Variants in CREBBP observed in about 807,000 individuals in gnomAD.
The protein encoded by CREBBP is CREB-binding protein.
CREBBP carries 19 observed loss-of-function variants against 265.0 expected under a neutral mutation model. That is an observed-to-expected ratio of 0.07 (90% CI 0.05 to 0.11). The LOEUF (loss-of-function observed/expected upper bound fraction) is 0.11. Among genes scored for constraint, CREBBP ranks in the 10% least tolerant of loss-of-function variants. CREBBP has a pLI of 1.00. For synonymous variants in CREBBP, 1,457 were observed against 1,223.7 expected (o/e 1.19, Z -3.98); for missense variants, 2,525 against 3,219.0 (o/e 0.78, Z 5.22).
At chr16:3,771,802 CTTT>C (rs34195127) in intron 13 of CREBBP, among the ~76,000 whole-genome samples, 6 of 131,922 alleles carry the variant, frequency 4.5e-5, no homozygotes, top group African/African-American at 1.8e-4. Flanking sequence ...CAATTTAAAA[CTTT>C]TTTTTTTTTT....
intron 3 of CREBBP, among the ~76,000 whole-genome samples, chr16:3,803,657 T>C (rs2053771029): frequency 6.6e-6 from 1 of 151,792 alleles, no homozygotes; most frequent in African/African-American, 2.4e-5. Context: ...AGGCTCAGGG[T>C]AAGAAATGTG....
intron 3 of CREBBP, 96 bp from the exon 4 acceptor site, chr16:3,793,722 T>C (rs2053551265): frequency 9.9e-6 from 14 of 1,409,174 alleles, no homozygotes; most frequent in African/African-American, 1.4e-5. Flanking sequence ...AGCTGATGGA[T>C]AATACCGACC....
At position 3,769,217 on chromosome 16, in the gene CREBBP, G is replaced by T; in HGVS notation, c.3017C>A (p.Thr1006Asn). ...EMKTETQAED[T>N]EPDPGESKGE... ...TTTGGATTCACCAGGATCGGGCTCA[G>T]TGTCCTCTGCTTGGGTCTCCGTCTT... is the stretch of plus-strand genomic sequence containing the variant. Residue 1006 changes from threonine to asparagine, a missense_variant, in exon 15 of 31, where the codon ACT (threonine) becomes AAT (asparagine). Transcript: ENST00000262367. The T allele has an allele frequency of 6.2e-7, 1 of 1,614,154 alleles. No homozygotes were observed. Among genetic ancestry groups the T allele is most frequent in the East Asian group, 2.2e-5 (1 of 44,884 alleles).
intron 3 of CREBBP, among the ~76,000 whole-genome samples, chr16:3,808,466 A>G (rs535086182): frequency 6.6e-6 from 1 of 152,354 alleles, no homozygotes; most frequent in Admixed American, 6.5e-5. Context: ...AACTGCCATC[A>G]GTGCAGAGGC....
At chr16:3,853,560 A>C (rs946078890) in intron 1 of CREBBP, among the ~76,000 whole-genome samples, 3 of 152,038 alleles carry the variant, frequency 2.0e-5, no homozygotes, top group Admixed American at 6.6e-5. Flanking sequence ...CAGTGAGCCA[A>C]GATTGCGCCA....
chr16:3,787,070 CAAA>C (rs757962926), intron 5 of CREBBP, among the ~76,000 whole-genome samples: 3 of 86,924 alleles, frequency 3.5e-5, no homozygotes, highest in Admixed American at 2.6e-4. Flanking sequence ...GACTTCGTCT[CAAA>C]AAAAAAAAAA....
intron 2 of CREBBP, among the ~76,000 whole-genome samples, chr16:3,845,228 A>C (rs1056816816): frequency 1.2e-4 from 18 of 152,220 alleles, no homozygotes; most frequent in African/African-American, 4.3e-4. Context: ...GGGTTCAGGC[A>C]TCATATTTTT....
chr16:3,734,635 G>A (rs1446411424), intron 28 of CREBBP, among the ~76,000 whole-genome samples: 4 of 152,188 alleles, frequency 2.6e-5, no homozygotes, highest in African/African-American at 9.7e-5. Context: ...CAAGTCCGAA[G>A]ACAACAGGCC....
At chr16:3,846,055 G>T (rs564163548) in intron 2 of CREBBP, among the ~76,000 whole-genome samples, 1 of 152,102 alleles carries the variant, frequency 6.6e-6, no homozygotes, top group Non-Finnish European at 1.5e-5. Context: ...CATATACTTG[G>T]TAAAAACATA....
chr16:3,856,264 C>T (rs1392889498), intron 1 of CREBBP, among the ~76,000 whole-genome samples: 1 of 152,188 alleles, frequency 6.6e-6, no homozygotes, highest in African/African-American at 2.4e-5. Context: ...GCTGGGACCA[C>T]AGGTGTGCCC....
At chr16:3,857,921 G>A (rs2054996936) in intron 1 of CREBBP, among the ~76,000 whole-genome samples, 1 of 152,212 alleles carries the variant, frequency 6.6e-6, no homozygotes, top group Non-Finnish European at 1.5e-5. Flanking sequence ...GGAAGACCCA[G>A]TGAGGAATGA....
chr16:3,752,953 T>C (rs1459847716), intron 19 of CREBBP, among the ~76,000 whole-genome samples: 3 of 152,122 alleles, frequency 2.0e-5, no homozygotes, highest in Non-Finnish European at 4.4e-5. Flanking sequence ...TGATGCTGCA[T>C]AAAACAAGAT....
At chr16:3,735,699 A>G (rs2052037812) in intron 28 of CREBBP, among the ~76,000 whole-genome samples, 1 of 152,168 alleles carries the variant, frequency 6.6e-6, no homozygotes, top group Admixed American at 6.5e-5. Context: ...AGTGGCCACC[A>G]AACACGGAAT....
At chr16:3,841,434 T>C (rs1180069302) in intron 2 of CREBBP, among the ~76,000 whole-genome samples, 1 of 152,070 alleles carries the variant, frequency 6.6e-6, no homozygotes, top group African/African-American at 2.4e-5. Flanking sequence ...TTTTACAATT[T>C]TTAGTACAAA....
At chr16:3,752,940 G>A (rs1019617502) in intron 19 of CREBBP, among the ~76,000 whole-genome samples, 2 of 152,176 alleles carry the variant, frequency 1.3e-5, no homozygotes, top group African/African-American at 4.8e-5. Flanking sequence ...CAGAAATGCA[G>A]GCTGATGCTG....
intron 2 of CREBBP, among the ~76,000 whole-genome samples, chr16:3,846,812 T>C (rs538428086): frequency 4.6e-5 from 7 of 152,332 alleles, no homozygotes; most frequent in African/African-American, 1.7e-4. Context: ...ACATCATCAC[T>C]GGCAGGACAG....
intron 4 of CREBBP, among the ~76,000 whole-genome samples, chr16:3,793,076 T>C (rs1170764271): frequency 1.3e-5 from 2 of 152,160 alleles, no homozygotes; most frequent in African/African-American, 4.8e-5. Flanking sequence ...ACAAAGACAG[T>C]GCTCAAGAAG....
At position 3,727,635 on chromosome 16, in the gene CREBBP, G is replaced by T; in HGVS notation, c.*83C>A. The T allele has an allele frequency of 6.2e-7, 1 of 1,611,616 alleles. No homozygotes were observed. The highest frequency in any genetic ancestry group is 8.5e-7 in the Non-Finnish European group (1 of 1,179,396). On this transcript the variant is annotated 3_prime_UTR_variant, in exon 31 of 31. Coordinates refer to ENST00000262367, the MANE Select transcript of CREBBP (RefSeq NM_004380.3). ...GGCTCGGAAGTCGCAGTTCCATCTA[G>T]GAATAAAAAGAACCTAGATGCCTGG...
At chr16:3,876,524 T>C (rs369361567) in intron 1 of CREBBP, among the ~76,000 whole-genome samples, 1 of 151,538 alleles carries the variant, frequency 6.6e-6, no homozygotes, top group Non-Finnish European at 1.5e-5. Flanking sequence ...CACAATATGC[T>C]ATTTTAACTT....
Sources: allele counts gnomAD v4.1 joint callset (sites outside exome capture counted in the v4.1 genomes callset), GRCh38; gene constraint gnomAD v4.1.1; transcripts MANE v1.5; gene names NCBI Gene and HGNC (gene_info 2026-07-23, HGNC 2026-07-21).